Variants in SALL2 observed in about 807,000 individuals in gnomAD.
The protein encoded by SALL2 is sal-like protein 2.
In SALL2, 32 loss-of-function variants were observed where a neutral mutation model predicts 58.5. The ratio of observed to expected loss-of-function variants is 0.55; its 90% CI spans 0.41 to 0.74. The LOEUF (loss-of-function observed/expected upper bound fraction) is 0.74, where lower values mean the gene tolerates loss of function less well. Among genes scored for constraint, SALL2 ranks in the 30% least tolerant of loss-of-function variants. The pLI is 0.00. For synonymous variants in SALL2, 516 were observed against 513.6 expected (o/e 1.00, Z -0.06); for missense variants, 1,201 against 1,268.9 (o/e 0.95, Z 0.81).
rs1892044578 is a variant in SALL2, at chr14:21,521,877, T to C, written c.*827A>G. The C allele has an allele frequency of 3.5e-6, 4 of 1,141,988 alleles. No individual in the cohort carries two copies. The highest frequency in any genetic ancestry group is 4.8e-6 in the Non-Finnish European group (4 of 826,906). 70.7% of individuals were successfully genotyped at this position (1,141,988 alleles called of 1,614,324 possible). On this transcript the variant is annotated 3_prime_UTR_variant, in exon 2 of 2. Transcript: ENST00000537235. The stretch of plus-strand genomic sequence containing the variant: ...TACCTTAATGTGACCATCAGGGGAT[T>C]TACTGGGAAAATTTTCCTATGCCCT...
At chr14:21,529,173 CATGA>C (rs1311716097), upstream of SALL2, among the ~76,000 whole-genome samples, 1 of 152,176 alleles carries the variant, frequency 6.6e-6, no homozygotes, top group Non-Finnish European at 1.5e-5. Context: ...CTTACACAAA[CATGA>C]ATGAAGTCAC....
At chr14:21,533,616 C>G (rs1446540897) in intron 1 of SALL2, among the ~76,000 whole-genome samples, 2 of 149,078 alleles carry the variant, frequency 1.3e-5, no homozygotes, top group African/African-American at 5.0e-5. Flanking sequence ...TTTTTCCTCT[C>G]TAGAGTTTTT....
At chr14:21,532,612 C>A (rs973105705) in intron 1 of SALL2, among the ~76,000 whole-genome samples, 2 of 151,776 alleles carry the variant, frequency 1.3e-5, no homozygotes, top group Non-Finnish European at 2.9e-5. Flanking sequence ...TGCACTCCAG[C>A]CTGGGCAACA....
At chr14:21,532,220 A>G (rs962529498) in intron 1 of SALL2, among the ~76,000 whole-genome samples, 1 of 152,228 alleles carries the variant, frequency 6.6e-6, no homozygotes, top group Non-Finnish European at 1.5e-5. Flanking sequence ...TTCCATTAGT[A>G]TGAGGTACCC....
At chr14:21,537,066 T>C in exon 1 of SALL2, 1 of 655,434 alleles carries the variant, frequency 1.5e-6, no homozygotes, top group East Asian at 2.7e-5. Context: ...TGTTCTTCTT[T>C]CCCAGAGACA....
At chr14:21,536,728 C>G in intron 1 of SALL2, 1 of 696,340 alleles carries the variant, frequency 1.4e-6, no homozygotes, top group Non-Finnish European at 2.5e-6. Flanking sequence ...CTCCTTCAAA[C>G]CCCCAGTGAC....
Position 21,525,704 on chromosome 14 carries a change from T to C in SALL2, c.68-50A>G, listed in dbSNP as rs1892275993. 2.0e-6 allele frequency: 3 copies of C among 1,521,528 alleles called. No homozygotes were observed. The highest frequency in any genetic ancestry group is 2.6e-6 in the Non-Finnish European group (3 of 1,135,672). 94.3% of individuals were successfully genotyped at this position (1,521,528 alleles called of 1,614,324 possible). A position where few individuals can be genotyped will look rare whatever the true frequency, so the allele number is the denominator to read the frequency against. On this transcript the variant is annotated intron_variant, in intron 1 of 1. Coordinates refer to ENST00000537235, the MANE Select transcript of SALL2 (RefSeq NM_001364564.1). This position sits in a 1 kb window ranked among gnomAD's most constrained non-coding sequence, Gnocchi z 4.4. Reference sequence around the variant, plus strand: ...GCGTGGGTGGCGCAGTTGGGTTGGGTATACCGAGGCTCTAATTAACAAGGA... The same window carrying C: ...GCGTGGGTGGCGCAGTTGGGTTGGGCATACCGAGGCTCTAATTAACAAGGA...
upstream of SALL2, among the ~76,000 whole-genome samples, chr14:21,529,273 C>T (rs193075794): frequency 3.3e-5 from 5 of 152,004 alleles, no homozygotes; most frequent in Non-Finnish European, 2.9e-5. Context: ...ATGCAAAGTC[C>T]GGGGTGGGAC....
rs538746938 is a variant in SALL2 at position 21,531,925 on chromosome 14, T to C, written c.-114+5037A>G. Among the ~76,000 whole-genome samples, 7 of 152,110 alleles carry C rather than the reference T, an allele frequency of 4.6e-5. No individual in the cohort carries two copies. In the East Asian group the frequency reaches 1.4e-3, roughly 29 times the overall value. On this transcript the variant is annotated intron_variant, in intron 1 of 1. Transcript: ENST00000541965. ...TTGTATTTTTAGTAGAGATGAGGTT[T>C]CACCTTGTTGGCCAGGCTGGTCTTG... is the stretch of plus-strand genomic sequence containing the variant.
intron 1 of SALL2, among the ~76,000 whole-genome samples, chr14:21,532,847 C>T (rs1327692608): frequency 6.6e-6 from 1 of 151,980 alleles, no homozygotes; most frequent in Non-Finnish European, 1.5e-5. Flanking sequence ...CCTGTAGTCC[C>T]AGCTACTTGG....
In SALL2 at chr14:21,524,920, G is replaced by A. The variant is rs763492468; in HGVS notation, c.802C>T (p.Pro268Ser). 4.3e-6 allele frequency: 7 copies of A among 1,614,222 alleles called. No homozygotes were observed. The highest frequency in any genetic ancestry group is 5.9e-6 in the Non-Finnish European group (7 of 1,180,028). ...TAAAGGTGGAAGAAGGCCTGCTTGG[G>A]CGTTTCTGCCCCTGAAGAGGAAGAG... ...SSSSSSGAET[P>S]KQAFFHLYHP... The change falls in exon 2 of 2, where the codon CCC becomes TCC. Residue 268 changes from proline to serine, a missense_variant. By Grantham distance (74) the Pro-to-Ser change is moderately conservative. Coordinates refer to ENST00000537235, the MANE Select transcript of SALL2 (RefSeq NM_001364564.1).
At position 21,521,873 on chromosome 14, in the gene SALL2, G is replaced by A. The variant is rs1892044337; in HGVS notation, c.*831C>T. On this transcript the variant is annotated 3_prime_UTR_variant, in exon 2 of 2. Transcript: ENST00000537235. ...CCTTTACCTTAATGTGACCATCAGGGGATTTACTGGGAAAATTTTCCTATG... is the reference window on the plus strand; with the variant it reads ...CCTTTACCTTAATGTGACCATCAGGAGATTTACTGGGAAAATTTTCCTATG... 3.8e-6 allele frequency: 4 copies of A among 1,065,412 alleles called. No homozygotes were observed. The Admixed American group carries it at 7.9e-5, about 21-fold the overall frequency. 66.0% of individuals were successfully genotyped at this position (1,065,412 alleles called of 1,614,324 possible).
chr14:21,528,879 C>T (rs983258863), upstream of SALL2, among the ~76,000 whole-genome samples: 1 of 152,166 alleles, frequency 6.6e-6, no homozygotes, highest in Admixed American at 6.5e-5. Flanking sequence ...TTCTACTGAG[C>T]ATTTGTTAAT....
rs1451119776 is a variant in SALL2 at position 21,526,131 on chromosome 14, T to A, written c.-4A>T. 1 of 1,539,342 alleles carries A rather than the reference T, an allele frequency of 6.5e-7. No homozygotes were observed. Among genetic ancestry groups the A allele is most frequent in the African/African-American group, 1.4e-5 (1 of 72,790 alleles). On this transcript the variant is annotated 5_prime_UTR_variant, in exon 1 of 2. Coordinates refer to ENST00000537235, the MANE Select transcript of SALL2 (RefSeq NM_001364564.1). The stretch of plus-strand genomic sequence containing the variant: ...TCCTCTCGGATTCGTGCGCCATGGT[T>A]GTGGGGGAAGTGGAGGGCCAGGTGG...
chr14:21,535,160 A>T (rs559591188), intron 1 of SALL2, among the ~76,000 whole-genome samples: 23 of 152,122 alleles, frequency 1.5e-4, no homozygotes, highest in African/African-American at 5.3e-4. Flanking sequence ...CCTGGCTAAC[A>T]CGGTGAAACC....
rs376502263 is a variant in SALL2 at position 21,522,750 on chromosome 14, G to T, written c.2972C>A (p.Thr991Lys). The change falls in exon 2 of 2, where the codon ACA becomes AAA. Residue 991 changes from threonine (T) to lysine (K), a missense_variant. Physicochemically the swap from Thr to Lys is moderately conservative, Grantham distance 78 (BLOSUM62 -1). Around this residue, in one of 3 missense-constraint regions of SALL2, gnomAD observed 675 missense variants for 683.8 expected, o/e 0.99. Transcript: ENST00000537235. Reference protein sequence around the residue: ...VPGCSPSITSTGLSPFPRKDD... With the variant: ...VPGCSPSITSKGLSPFPRKDD... Reference sequence around the variant, plus strand: ...TTTTCGGGGAAAGGGGGAGAGCCCTGTGGAGGTGATGGAAGGCGAACAGCC... The same window carrying T: ...TTTTCGGGGAAAGGGGGAGAGCCCTTTGGAGGTGATGGAAGGCGAACAGCC... 2.0e-5 allele frequency: 31 copies of T among 1,557,264 alleles called. No homozygotes were observed. The highest frequency in any genetic ancestry group is 4.1e-5 in the African/African-American group (3 of 72,926).
chr14:21,526,251 A>T lies in SALL2; in HGVS notation c.-124T>A. 3 of 1,440,912 alleles carry T rather than the reference A, an allele frequency of 2.1e-6. No individual in the cohort carries two copies. Among genetic ancestry groups the T allele is most frequent in the Non-Finnish European group, 2.7e-6 (3 of 1,098,552 alleles). 89.3% of individuals were successfully genotyped at this position (1,440,912 alleles called of 1,614,324 possible). On this transcript the variant is annotated 5_prime_UTR_variant, in exon 1 of 2. Transcript: ENST00000537235. The stretch of plus-strand genomic sequence containing the variant: ...AGCGGCCCAGACTGCGGAGATGGAG[A>T]TCGGCAGCGGCGGGGGCAGGGAGCA...
chr14:21,526,253 C>G lies in SALL2; in HGVS notation c.-126G>C. On this transcript the variant is annotated 5_prime_UTR_variant, in exon 1 of 2. Transcript: ENST00000537235. Reference sequence around the variant, plus strand: ...CGGCCCAGACTGCGGAGATGGAGATCGGCAGCGGCGGGGGCAGGGAGCAGC... The same window carrying G: ...CGGCCCAGACTGCGGAGATGGAGATGGGCAGCGGCGGGGGCAGGGAGCAGC... 7.0e-7 allele frequency: 1 copy of G among 1,431,182 alleles called. No individual in the cohort carries two copies. 88.7% of individuals were successfully genotyped at this position (1,431,182 alleles called of 1,614,324 possible). A position where few individuals can be genotyped will look rare whatever the true frequency, so the allele number is the denominator to read the frequency against.
chr14:21,536,816 C>G (rs766038350), intron 1 of SALL2: 1 of 1,602,866 alleles, frequency 6.2e-7, no homozygotes, highest in Non-Finnish European at 8.5e-7. Context: ...CAGGCTTGGA[C>G]TTAGGGGCCC....
Sources: gnomAD v4.1 joint callset for allele counts (sites outside exome capture counted in the v4.1 genomes callset) on GRCh38, gnomAD v4.1.1 for gene constraint, gnomAD v4.1.1 regional missense constraint, Gnocchi (gnomAD v3.1) non-coding constraint, MANE v1.5 for transcripts, NCBI Gene and HGNC (gene_info 2026-07-23, HGNC 2026-07-21) for gene names.